The following PEBP4 variants were observed in gnomAD, a reference collection of about 807,000 sequenced individuals.
PEBP4 encodes phosphatidylethanolamine binding protein 4, also known as phosphatidylethanolamine-binding protein 4.
Under a neutral mutation model 23.9 loss-of-function variants are expected in PEBP4, and 22 were observed. The ratio of observed to expected loss-of-function variants is 0.92; its 90% confidence interval spans 0.66 to 1.31. PEBP4 has a LOEUF of 1.31. Among genes scored for constraint, PEBP4 ranks in the 40% most tolerant of loss-of-function variants. The pLI is 0.00. For synonymous variants in PEBP4, 112 were observed against 99.3 expected (o/e 1.13, Z -0.76); for missense variants, 324 against 281.7 (o/e 1.15, Z -1.07).
chr8:22,874,487 C>T (rs780028949), intron 3 of PEBP4, among the ~76,000 whole-genome samples: 5 of 152,120 alleles, frequency 3.3e-5, no homozygotes, highest in Non-Finnish European at 7.3e-5. Flanking sequence ...AAACCCTCCC[C>T]GCTAAAGCTG....
At chr8:22,868,860 T>G (rs896983851) in intron 3 of PEBP4, among the ~76,000 whole-genome samples, 1 of 152,206 alleles carries the variant, frequency 6.6e-6, no homozygotes, top group South Asian at 2.1e-4. Flanking sequence ...CTGGGCAGCC[T>G]GTTTTCAACA....
At chr8:22,938,337 G>A (rs990888168) in intron 1 of PEBP4, among the ~76,000 whole-genome samples, 7 of 151,946 alleles carry the variant, frequency 4.6e-5, no homozygotes, top group African/African-American at 1.5e-4. Context: ...TGTCTGTAAC[G>A]GACACCTTTG....
intron 3 of PEBP4, among the ~76,000 whole-genome samples, chr8:22,878,599 C>T (rs532735654): frequency 4.9e-4 from 75 of 152,320 alleles, no homozygotes; most frequent in African/African-American, 1.8e-3. Context: ...GGCCTGGCAC[C>T]TCTGGGTTTG....
intron 1 of PEBP4, among the ~76,000 whole-genome samples, chr8:22,939,303 CTG>C (rs1809579151): frequency 6.6e-6 from 1 of 151,970 alleles, no homozygotes; most frequent in African/African-American, 2.4e-5. Context: ...CAAAGAAAAA[CTG>C]AGAGAAGATT....
At chr8:22,791,863 CTT>C (rs33966538) in intron 4 of PEBP4, among the ~76,000 whole-genome samples, 11 of 148,126 alleles carry the variant, frequency 7.4e-5, no homozygotes, top group Non-Finnish European at 6.0e-5. Context: ...GCACTGGATT[CTT>C]TTTTTTTTTT....
At position 22,926,914 on chromosome 8, in the gene PEBP4, T is replaced by A. The variant is rs190517487; in HGVS notation, c.131+670A>T. ...ACCAAACTGGCAGGGAGGTTTGGCA[T>A]CAGTTTGGCCTGGGGAGTCCTCAGG... On this transcript the variant is annotated intron_variant, in intron 2 of 6. Transcript: ENST00000256404. 2.6e-5 allele frequency among the ~76,000 whole-genome samples: 4 copies of A among 152,282 alleles called. No homozygotes were observed. In the East Asian group the frequency reaches 5.8e-4, roughly 22 times the overall value.
chr8:22,897,514 A>C (rs1172338966), intron 3 of PEBP4, among the ~76,000 whole-genome samples: 1 of 152,134 alleles, frequency 6.6e-6, no homozygotes, highest in Non-Finnish European at 1.5e-5. Flanking sequence ...TATGTGTAAA[A>C]ATACCACCGA....
chr8:22,751,647 TG>T (rs1312124547), intron 4 of PEBP4, among the ~76,000 whole-genome samples: 4 of 149,854 alleles, frequency 2.7e-5, no homozygotes, highest in Admixed American at 1.3e-4. Context: ...TGTGTGTGTG[TG>T]TGTGTGTGTT....
At chr8:22,856,936 TGAAG>T (rs1310552215) in intron 3 of PEBP4, among the ~76,000 whole-genome samples, 2 of 151,838 alleles carry the variant, frequency 1.3e-5, no homozygotes, top group Non-Finnish European at 2.9e-5. Flanking sequence ...ACTGATTAAA[TGAAG>T]GAAGATAGAG....
intron 6 of PEBP4, among the ~76,000 whole-genome samples, chr8:22,715,494 G>C (rs369523675): frequency 2.0e-5 from 3 of 152,228 alleles, no homozygotes. Flanking sequence ...GAACAGGGAC[G>C]AGGGGGCCTT....
At chr8:22,720,465 G>A (rs568781128) in intron 6 of PEBP4, among the ~76,000 whole-genome samples, 40 of 152,342 alleles carry the variant, frequency 2.6e-4, no homozygotes, top group African/African-American at 8.7e-4. Flanking sequence ...GTTCAGGGAC[G>A]TCTGGCAGTG....
At chr8:22,802,636 G>C (rs542985099) in intron 4 of PEBP4, among the ~76,000 whole-genome samples, 1 of 152,324 alleles carries the variant, frequency 6.6e-6, no homozygotes, top group Non-Finnish European at 1.5e-5. Context: ...ACCTTCAAAA[G>C]TAAATGAGAG....
chr8:22,845,271 C>T (rs940085725), intron 3 of PEBP4, among the ~76,000 whole-genome samples: 3 of 151,756 alleles, frequency 2.0e-5, no homozygotes, highest in Non-Finnish European at 4.4e-5. Context: ...CAGTGGCTCA[C>T]GCCTGTAACC....
At chr8:22,897,191 TCTC>T (rs1200873153) in intron 3 of PEBP4, among the ~76,000 whole-genome samples, 1 of 152,156 alleles carries the variant, frequency 6.6e-6, no homozygotes, top group East Asian at 1.9e-4. Flanking sequence ...CCCCTTTTCT[TCTC>T]CTCCTCTTCC....
intron 4 of PEBP4, among the ~76,000 whole-genome samples, chr8:22,749,420 T>A (rs1805198857): frequency 6.6e-6 from 1 of 152,160 alleles, no homozygotes; most frequent in South Asian, 2.1e-4. Flanking sequence ...GCTCACGGCC[T>A]CCACCTACCC....
chr8:22,907,407 G>A (rs1189317632), intron 3 of PEBP4, among the ~76,000 whole-genome samples: 1 of 152,208 alleles, frequency 6.6e-6, no homozygotes, highest in Non-Finnish European at 1.5e-5. Context: ...AGCTGCTTGG[G>A]AGGTTGAGAC....
chr8:22,737,445 C>T (rs555414524), intron 4 of PEBP4, among the ~76,000 whole-genome samples: 5 of 152,146 alleles, frequency 3.3e-5, no homozygotes, highest in Admixed American at 6.5e-5. Flanking sequence ...GCCCGTGGTG[C>T]GCAGGCATCT....
intron 3 of PEBP4, chr8:22,879,253 T>C (rs537589801): frequency 3.9e-5 from 6 of 152,212 alleles, no homozygotes; most frequent in Admixed American, 2.0e-4. Flanking sequence ...ACATATTGCA[T>C]TGCGACATGT....
chr8:22,787,952 C>T (rs187769488), intron 4 of PEBP4, among the ~76,000 whole-genome samples: 10 of 152,170 alleles, frequency 6.6e-5, no homozygotes, highest in Admixed American at 5.2e-4. Context: ...GTTGATAACG[C>T]GTTGTGGATG....
Sources: gnomAD v4.1 joint callset for allele counts (sites outside exome capture counted in the v4.1 genomes callset) on GRCh38, gnomAD v4.1.1 for gene constraint, MANE v1.5 for transcripts, NCBI Gene and HGNC (gene_info 2026-07-23, HGNC 2026-07-21) for gene names.